Variants in CLVS1 observed in about 807,000 individuals in gnomAD.
CLVS1 encodes the protein clavesin 1.
In CLVS1, 10 loss-of-function variants were observed where a neutral mutation model predicts 33.1. The ratio of observed to expected loss-of-function variants is 0.30; its 90% CI spans 0.19 to 0.51. CLVS1 has a LOEUF of 0.51. Among genes scored for constraint, CLVS1 ranks in the 20% least tolerant of loss-of-function variants. The pLI is 0.97. For synonymous variants in CLVS1, 163 were observed against 166.1 expected, an observed-to-expected ratio of 0.98 and a Z score of 0.14; for missense variants, 343 against 433.4, an observed-to-expected ratio of 0.79 and a Z score of 1.85.
chr8:61,112,038 A>C (rs1805636697), intron 1 of CLVS1, among the ~76,000 whole-genome samples: 1 of 152,190 alleles, frequency 6.6e-6, no homozygotes, highest in Non-Finnish European at 1.5e-5. Flanking sequence ...TTGCTAAACA[A>C]AGGAATATGA....
At chr8:61,170,352 C>T (rs975325897) in intron 2 of CLVS1, among the ~76,000 whole-genome samples, 4 of 152,134 alleles carry the variant, frequency 2.6e-5, no homozygotes, top group Non-Finnish European at 5.9e-5. Flanking sequence ...CCGTTCTCCA[C>T]TCTGCCTGTC....
At chr8:61,201,569 G>A (rs941014010) in intron 2 of CLVS1, among the ~76,000 whole-genome samples, 1 of 152,144 alleles carries the variant, frequency 6.6e-6, no homozygotes, top group African/African-American at 2.4e-5. Context: ...TTTCTTTCTA[G>A]CATAAATAAA....
intron 2 of CLVS1, among the ~76,000 whole-genome samples, chr8:61,305,296 G>A (rs67549061): frequency 0.18 from 27,294 of 151,656 alleles, 4,052 homozygotes; most frequent in African/African-American, 0.41. Flanking sequence ...CAGTACCTAC[G>A]TTTATATTCT....
chr8:60,974,212 G>T, the CLVS1 span, among the ~76,000 whole-genome samples: 1 of 152,078 alleles, frequency 6.6e-6, no homozygotes, highest in Non-Finnish European at 1.5e-5. Flanking sequence ...AAGCCTCTGT[G>T]GGGAGGTGAG....
At chr8:61,047,179 T>A in the CLVS1 span, among the ~76,000 whole-genome samples, 1 of 152,108 alleles carries the variant, frequency 6.6e-6, no homozygotes, top group Admixed American at 6.5e-5. Context: ...AAGAAGACAT[T>A]TATGCAGCCA....
intron 5 of CLVS1, among the ~76,000 whole-genome samples, chr8:61,476,438 G>A (rs552313120): frequency 1.6e-3 from 251 of 152,308 alleles, no homozygotes; most frequent in Middle Eastern, 0.014. Context: ...AGCATGGAAT[G>A]TTCTTCCATT....
At chr8:61,330,594 A>G (rs1372769034) in intron 2 of CLVS1, among the ~76,000 whole-genome samples, 2 of 152,134 alleles carry the variant, frequency 1.3e-5, no homozygotes, top group Non-Finnish European at 2.9e-5. Context: ...ACTGACTAAT[A>G]TCTTTAGTTA....
At chr8:61,159,454 T>G (rs960018833) in intron 2 of CLVS1, among the ~76,000 whole-genome samples, 1 of 152,216 alleles carries the variant, frequency 6.6e-6, no homozygotes, top group Non-Finnish European at 1.5e-5. Context: ...GGAAAAACTT[T>G]GCAAAAACTG....
chr8:61,224,640 C>T lies in CLVS1; in HGVS notation c.-151-75037C>T, dbSNP rs182787739. ...TCTGACAACCCCTGTTGGGGGGTCT[C>T]ACCCCGTTGGGTGGCATAGGGAGCA... On this transcript the variant is annotated intron_variant, in intron 2 of 2. Coordinates refer to the CLVS1 transcript ENST00000522621. Among the ~76,000 whole-genome samples, 6 of 152,310 alleles carry T rather than the reference C, an allele frequency of 3.9e-5. No homozygotes were observed. The East Asian group carries it at 7.7e-4, about 20-fold the overall frequency.
At chr8:61,067,513 C>T (rs922279941) in intron 1 of CLVS1, among the ~76,000 whole-genome samples, 35 of 149,904 alleles carry the variant, frequency 2.3e-4, no homozygotes, top group Admixed American at 6.6e-4. Flanking sequence ...ATTATAAGTA[C>T]GAGCCATAGC....
the CLVS1 span, among the ~76,000 whole-genome samples, chr8:61,029,414 G>A: frequency 6.6e-6 from 1 of 152,158 alleles, no homozygotes. Context: ...CTTCTGGGAT[G>A]TGAGCAGGTG....
intron 3 of CLVS1, among the ~76,000 whole-genome samples, chr8:61,428,798 C>G (rs2129605152): frequency 6.6e-6 from 1 of 152,260 alleles, no homozygotes; most frequent in South Asian, 2.1e-4. Flanking sequence ...GTTGGCCTTC[C>G]CCATAAGCAG....
chr8:61,277,892 G>C (rs1441551644), intron 2 of CLVS1, among the ~76,000 whole-genome samples: 2 of 152,010 alleles, frequency 1.3e-5, no homozygotes, highest in Admixed American at 6.6e-5. Context: ...CAAAAAAAAA[G>C]GACTTTGAGT....
At chr8:61,126,217 C>T (rs544264130) in intron 1 of CLVS1, among the ~76,000 whole-genome samples, 17 of 152,224 alleles carry the variant, frequency 1.1e-4, no homozygotes, top group Non-Finnish European at 1.8e-4. Flanking sequence ...GTCTGACTCT[C>T]GGTCCAGCTA....
chr8:61,010,644 GA>G, the CLVS1 span, among the ~76,000 whole-genome samples: 9 of 152,176 alleles, frequency 5.9e-5, no homozygotes, highest in African/African-American at 2.2e-4. Context: ...TGGTGGAGAT[GA>G]GGGGGTGGTT....
At chr8:61,471,786 T>C (rs1292257519) in intron 5 of CLVS1, among the ~76,000 whole-genome samples, 2 of 152,214 alleles carry the variant, frequency 1.3e-5, no homozygotes, top group African/African-American at 2.4e-5. Context: ...TACATTTTTG[T>C]TGGGTCTTTA....
chr8:61,063,288 A>AGAGAGAGAG (rs1804617073), intron 1 of CLVS1, among the ~76,000 whole-genome samples: 1 of 108,928 alleles, frequency 9.2e-6, no homozygotes, highest in Admixed American at 8.3e-5. Context: ...AGAGAGAGAG[A>AGAGAGAGAG]GAGAGATAGA....
chr8:60,994,809 A>G, the CLVS1 span, among the ~76,000 whole-genome samples: 1 of 152,216 alleles, frequency 6.6e-6, no homozygotes, highest in Non-Finnish European at 1.5e-5. Context: ...TGGTACCAAA[A>G]CAGAGATATA....
chr8:61,407,177 G>T (rs1025584193), intron 3 of CLVS1, among the ~76,000 whole-genome samples: 1 of 152,268 alleles, frequency 6.6e-6, no homozygotes, highest in Middle Eastern at 3.4e-3. Context: ...AGAACATTTG[G>T]TTGATGCCTA....
Sources: gnomAD v4.1 joint callset for allele counts (sites outside exome capture counted in the v4.1 genomes callset) on GRCh38, gnomAD v4.1.1 for gene constraint, MANE v1.5 for transcripts, NCBI Gene and HGNC (gene_info 2026-07-23, HGNC 2026-07-21) for gene names.